Variants in VWA8 observed in about 807,000 individuals in gnomAD.
VWA8 encodes von Willebrand factor A domain containing 8.
A neutral mutation model predicts 241.5 loss-of-function variants in VWA8; 221 were observed. The ratio of observed to expected loss-of-function variants is 0.91; its 90% CI spans 0.82 to 1.02. The LOEUF (loss-of-function observed/expected upper bound fraction) is 1.02, where lower values mean the gene tolerates loss of function less well. Among genes scored for constraint, VWA8 ranks in the 50% least tolerant of loss-of-function variants. The probability of loss-of-function intolerance (pLI) is 0.00; values close to 1 mark genes in which losing one functional copy is unlikely to be tolerated. For missense variants in VWA8, 2,322 were observed against 2,328.7 expected, an observed-to-expected ratio of 1.00 and a Z score of 0.06; for synonymous variants, 852 against 827.1, an observed-to-expected ratio of 1.03 and a Z score of -0.52.
rs188133139 is a variant in VWA8, at chr13:41,896,202, A to T, written c.484-4615T>A. Among the ~76,000 whole-genome samples the T allele has an allele frequency of 3.0e-3, 461 of 152,022 alleles. 3 individuals carry two copies. The highest frequency in any genetic ancestry group is 0.01 in the African/African-American group (425 of 41,528). Reference sequence around the variant, plus strand: ...AACTCTCTCGCACTGTTGGAAAAAAATTTTTTTTGCTATTATTACATGTAT... The same window carrying T: ...AACTCTCTCGCACTGTTGGAAAAAATTTTTTTTTGCTATTATTACATGTAT... On this transcript the variant is annotated intron_variant, in intron 4 of 44. Coordinates refer to ENST00000379310, the MANE Select transcript of VWA8 (RefSeq NM_015058.2).
At position 41,570,621 on chromosome 13, in the gene VWA8, TC is replaced by T. The variant is rs762808275; in HGVS notation, c.5455del (p.Glu1819LysfsTer9). 6.2e-7 allele frequency: 1 copy of T among 1,614,274 alleles called. No individual in the cohort carries two copies. Among genetic ancestry groups the T allele is most frequent in the Non-Finnish European group, 8.5e-7 (1 of 1,180,054 alleles). On this transcript the variant is annotated frameshift_variant, in exon 44 of 45. Coordinates refer to ENST00000379310, the MANE Select transcript of VWA8 (RefSeq NM_015058.2). LOFTEE classifies it high-confidence loss of function. ...TEHAIKEIVK[E>X]EADEYFVIVL... ...TATGACAAAGTACTCATCAGCTTCTTCTTTGACAATTTCCTTGATGGCATGT... is the reference window on the plus strand; with the variant it reads ...TATGACAAAGTACTCATCAGCTTCTTTTTGACAATTTCCTTGATGGCATGT...
chr13:41,762,265 T>C (rs55944638), intron 20 of VWA8, among the ~76,000 whole-genome samples: 12,723 of 152,090 alleles, frequency 0.084, 539 homozygotes, highest in Middle Eastern at 0.11. Context: ...TGCCAGGCTG[T>C]AGGGTAAGTA....
At chr13:41,954,185 CTT>C (rs765781173) in intron 1 of VWA8, among the ~76,000 whole-genome samples, 5 of 145,142 alleles carry the variant, frequency 3.4e-5, no homozygotes, top group Middle Eastern at 3.5e-3. Flanking sequence ...TCTATACAAC[CTT>C]TTTTTTTTTT....
chr13:41,784,885 A>G (rs1044051173), intron 18 of VWA8, among the ~76,000 whole-genome samples: 18 of 150,538 alleles, frequency 1.2e-4, no homozygotes, highest in African/African-American at 4.1e-4. Context: ...CCAGATTGGG[A>G]AACTGTCTTA....
chr13:41,868,499 A>C (rs1206424288), intron 9 of VWA8, 22 bp from the exon 10 acceptor site: 1 of 1,604,662 alleles, frequency 6.2e-7, no homozygotes, highest in Admixed American at 1.7e-5. Flanking sequence ...CAAGAAAATC[A>C]TGCAATTTAC....
At chr13:41,755,866 T>C (rs1250813905) in intron 21 of VWA8, among the ~76,000 whole-genome samples, 3 of 151,856 alleles carry the variant, frequency 2.0e-5, no homozygotes, top group African/African-American at 7.2e-5. Flanking sequence ...CAAATGAGCA[T>C]ACTATAAAGA....
At chr13:41,590,326 T>C (rs1399686153) in intron 41 of VWA8, among the ~76,000 whole-genome samples, 1 of 152,218 alleles carries the variant, frequency 6.6e-6, no homozygotes, top group Non-Finnish European at 1.5e-5. Flanking sequence ...ATCCCTGGGT[T>C]ACTGCACTGT....
At chr13:41,847,849 G>A (rs1241151947) in intron 12 of VWA8, among the ~76,000 whole-genome samples, 2 of 152,206 alleles carry the variant, frequency 1.3e-5, no homozygotes, top group East Asian at 3.8e-4. Flanking sequence ...TACAACTTTA[G>A]TGAATAGAAT....
At chr13:41,672,834 A>G (rs988063700) in intron 36 of VWA8, among the ~76,000 whole-genome samples, 1 of 152,208 alleles carries the variant, frequency 6.6e-6, no homozygotes, top group Non-Finnish European at 1.5e-5. Context: ...TAGTAGTTAC[A>G]GATGATGGAG....
Position 41,691,884 on chromosome 13 carries a change from T to G in VWA8, c.3730A>C (p.Lys1244Gln). The G allele has an allele frequency of 1.2e-6, 2 of 1,610,260 alleles. No individual in the cohort carries two copies. The highest frequency in any genetic ancestry group is 1.3e-5 in the African/African-American group (1 of 74,926). The change falls in exon 31 of 45, where the codon AAA becomes CAA. Residue 1244 changes from lysine (K) to glutamine (Q), a missense_variant. Lys to Gln is a moderately conservative substitution (Grantham distance 53). Transcript: ENST00000379310. ...FSHKNWLVFY[K>Q]EKGNSLTVLD... ...TAATAAAGAGCTCACCCTTTTTCTT[T>G]GTAGAACACCAGCCAGTTTTTGTGT...
intron 18 of VWA8, among the ~76,000 whole-genome samples, chr13:41,785,777 T>A (rs1441352117): frequency 6.6e-6 from 1 of 151,728 alleles, no homozygotes; most frequent in African/African-American, 2.4e-5. Flanking sequence ...CACCATTAGG[T>A]CTCTGAAATA....
At chr13:41,654,977 T>C (rs1234244014) in intron 37 of VWA8, among the ~76,000 whole-genome samples, 1 of 152,228 alleles carries the variant, frequency 6.6e-6, no homozygotes, top group Non-Finnish European at 1.5e-5. Flanking sequence ...ACATCTGAAA[T>C]TTGAATAAGG....
intron 12 of VWA8, among the ~76,000 whole-genome samples, chr13:41,835,056 G>A: frequency 6.6e-6 from 1 of 152,128 alleles, no homozygotes; most frequent in East Asian, 1.9e-4. Context: ...ACATGGTGGG[G>A]AACAACACAC....
chr13:41,684,431 G>T (rs745663976), intron 35 of VWA8, among the ~76,000 whole-genome samples: 3 of 152,192 alleles, frequency 2.0e-5, no homozygotes, highest in Non-Finnish European at 4.4e-5. Flanking sequence ...AATAAGAATA[G>T]ATCTAAACTT....
At chr13:41,592,129 T>C (rs910631184) in intron 40 of VWA8, among the ~76,000 whole-genome samples, 11 of 149,032 alleles carry the variant, frequency 7.4e-5, no homozygotes, top group African/African-American at 2.8e-4. Context: ...TGGAATACTA[T>C]GCAGCCATAA....
chr13:41,761,329 C>CTTCTTGCTCTT, intron 20 of VWA8, 125 bp from the exon 21 acceptor site: 1 of 865,026 alleles, frequency 1.2e-6, no homozygotes, highest in Non-Finnish European at 1.8e-6. Flanking sequence ...GTTTATTGTT[C>CTTCTTGCTCTT]ATGAAAACCA....
At position 41,883,426 on chromosome 13, in the gene VWA8, T is replaced by C. The variant is rs1174413554; in HGVS notation, c.1041A>G (p.Leu347=). The C allele has an allele frequency of 1.2e-6, 2 of 1,613,716 alleles. No individual in the cohort carries two copies. The highest frequency in any genetic ancestry group is 1.7e-5 in the Admixed American group (1 of 60,018). ...IQWLYPYSIL[L]GHEGKMAVEG... is the part of the protein sequence containing the mutation. ...CCACAGCCATCTTCCCTTCATGACC[T>C]AGTAAAATACTATATGGATAAAGCC... Residue 347 remains leucine (L), a synonymous_variant, in exon 9 of 45, where the codon CTA becomes CTG. Transcript: ENST00000379310.
chr13:41,843,061 A>G (rs923934165), intron 12 of VWA8, among the ~76,000 whole-genome samples: 5 of 152,210 alleles, frequency 3.3e-5, no homozygotes, highest in Admixed American at 6.5e-5. Flanking sequence ...CATTTTAGAG[A>G]CTGAGTACTA....
intron 37 of VWA8, among the ~76,000 whole-genome samples, chr13:41,659,588 A>G (rs1437162692): frequency 6.6e-6 from 1 of 152,198 alleles, no homozygotes; most frequent in Admixed American, 6.5e-5. Context: ...CCAGGGTGTT[A>G]GTCTTTCTTG....
Sources: gnomAD v4.1 joint callset for allele counts (sites outside exome capture counted in the v4.1 genomes callset) on GRCh38, gnomAD v4.1.1 for gene constraint, MANE v1.5 for transcripts, NCBI Gene and HGNC (gene_info 2026-07-23, HGNC 2026-07-21) for gene names.